Variants in AR observed in about 807,000 individuals in gnomAD.
The protein encoded by AR is dihydrotestosterone receptor.
A neutral mutation model predicts 53.9 loss-of-function variants in AR; 8 were observed. That is an observed-to-expected ratio of 0.15 (90% CI 0.09 to 0.27). The LOEUF (loss-of-function observed/expected upper bound fraction) is 0.27. Ranked by LOEUF, AR falls within the 10% of genes least tolerant of loss-of-function variation. The pLI is 1.00. For synonymous variants in AR, 359 were observed against 316.4 expected (o/e 1.13, Z -1.43); for missense variants, 639 against 742.5 (o/e 0.86, Z 1.62).
chrX:67,568,962 C>T (rs975548583), intron 1 of AR: 11 of 1,208,078 alleles, frequency 9.1e-6, no homozygotes, highest in Non-Finnish European at 1.1e-5. Flanking sequence ...ACCAGGGAAA[C>T]GAATGCAGAG....
chrX:67,656,446 A>G (rs1569296644), intron 2 of AR, among the ~76,000 whole-genome samples: 3 of 111,473 alleles, frequency 2.7e-5, no homozygotes, highest in Admixed American at 1.9e-4. Flanking sequence ...CAAGACTGGC[A>G]TAGTACAATG....
At chrX:67,684,376 C>T (rs1264643070) in intron 2 of AR, among the ~76,000 whole-genome samples, 1 of 111,551 alleles carries the variant, frequency 9.0e-6, no homozygotes, top group South Asian at 3.8e-4. Context: ...GCCTGGAGAC[C>T]TTAGTTTTCT....
At chrX:67,600,373 C>T (rs912993880) in intron 1 of AR, among the ~76,000 whole-genome samples, 2 of 110,571 alleles carry the variant, frequency 1.8e-5, no homozygotes, top group East Asian at 2.8e-4. Context: ...AAAAATGAGA[C>T]CCTGTCATTT....
intron 1 of AR, among the ~76,000 whole-genome samples, chrX:67,627,127 G>A (rs1190337091): frequency 5.4e-5 from 6 of 110,435 alleles, no homozygotes; most frequent in African/African-American, 9.9e-5. Context: ...ATGATTTATA[G>A]TCCTTTGGGT....
chrX:67,686,935 C>G (rs759966782), intron 3 of AR, among the ~76,000 whole-genome samples: 17 of 111,175 alleles, frequency 1.5e-4, no homozygotes, highest in African/African-American at 5.6e-4. Context: ...CCCATCTCTT[C>G]ATGTTTACAT....
intron 1 of AR, among the ~76,000 whole-genome samples, chrX:67,632,537 G>T (rs760522698): frequency 8.9e-6 from 1 of 112,138 alleles, no homozygotes; most frequent in East Asian, 2.8e-4. Flanking sequence ...TGCGCCCACT[G>T]TCTGGCACTC....
intron 1 of AR, among the ~76,000 whole-genome samples, chrX:67,622,726 A>T (rs950452868): frequency 4.5e-5 from 5 of 111,789 alleles, no homozygotes; most frequent in Non-Finnish European, 9.4e-5. Context: ...AATATGTAAA[A>T]TATTTAGTTT....
At chrX:67,605,514 C>A (rs1923581451) in intron 1 of AR, among the ~76,000 whole-genome samples, 1 of 111,343 alleles carries the variant, frequency 9.0e-6, no homozygotes, top group Non-Finnish European at 1.9e-5. Flanking sequence ...TTAGATAGTT[C>A]CACTTTCATT....
intron 1 of AR, among the ~76,000 whole-genome samples, chrX:67,627,812 T>A (rs1235334372): frequency 8.9e-6 from 1 of 111,928 alleles, no homozygotes; most frequent in Non-Finnish European, 1.9e-5. Context: ...TTGATTTTTG[T>A]ATAAGGTGTA....
chrX:67,626,438 T>C (rs965998648), intron 1 of AR, among the ~76,000 whole-genome samples: 3 of 67,386 alleles, frequency 4.5e-5, no homozygotes, highest in African/African-American at 1.1e-4. Context: ...GGCTCTCTCT[T>C]TTTTTTTTTT....
At chrX:67,628,161 C>T in intron 1 of AR, among the ~76,000 whole-genome samples, 1 of 110,543 alleles carries the variant, frequency 9.0e-6, no homozygotes, top group African/African-American at 3.3e-5. Flanking sequence ...TAGTTTTTTC[C>T]AATTCTGTGA....
chrX:67,712,191 G>A (rs1383624392), intron 4 of AR, among the ~76,000 whole-genome samples: 2 of 112,019 alleles, frequency 1.8e-5, no homozygotes, highest in East Asian at 2.8e-4. Context: ...TCTTAGCTCT[G>A]CTAGTAACTT....
In AR at chrX:67,724,330, G is replaced by GT. The variant is rs2076149705; in HGVS notation, c.*495dup. On this transcript the variant is annotated 3_prime_UTR_variant, in exon 8 of 8. Transcript: ENST00000374690. ...AAATAAGCCAAAAAACCTTGCTAGT[G>GT]TTTTTTCCTCAAAAATAAATAAATA... The GT allele has an allele frequency of 5.7e-6, 1 of 175,429 alleles. No individual in the cohort carries two copies. Among genetic ancestry groups the GT allele is most frequent in the African/African-American group, 3.0e-5 (1 of 33,202 alleles). 14.5% of individuals were successfully genotyped at this position (175,429 alleles called of 1,213,427 possible).
chrX:67,549,408 T>C (rs746627401), intron 1 of AR, among the ~76,000 whole-genome samples: 4 of 112,256 alleles, frequency 3.6e-5, no homozygotes, highest in South Asian at 7.4e-4. Flanking sequence ...TGTGTTCTTA[T>C]ACATTTACAG....
chrX:67,645,265 AG>A (rs1003736777), intron 2 of AR, among the ~76,000 whole-genome samples: 3 of 111,897 alleles, frequency 2.7e-5, no homozygotes, highest in African/African-American at 9.7e-5. Flanking sequence ...TTCAGAAAAC[AG>A]GGGAAATGCT....
chrX:67,695,758 C>CAT (rs1290252363), intron 3 of AR: 1 of 745,930 alleles, frequency 1.3e-6, no homozygotes, highest in Admixed American at 9.5e-5. Context: ...CACACACACA[C>CAT]ACACACACAC....
At position 67,661,859 on chromosome X, in the gene AR, C is replaced by A. The variant is rs1019286589; in HGVS notation, c.1768+18452C>A. Among the ~76,000 whole-genome samples the A allele has an allele frequency of 4.5e-5, 5 of 111,602 alleles. 1 individual carries two copies. Among genetic ancestry groups the A allele is most frequent in the Non-Finnish European group, 9.4e-5 (5 of 53,118 alleles). ...ATTGGTAAGCTATTAGTTATATCCTCAATTTCAGAGCCTGTTATTGGTCTA... is the reference window on the plus strand; with the variant it reads ...ATTGGTAAGCTATTAGTTATATCCTAAATTTCAGAGCCTGTTATTGGTCTA... On this transcript the variant is annotated intron_variant, in intron 2 of 7. Coordinates refer to ENST00000374690, the MANE Select transcript of AR (RefSeq NM_000044.6).
intron 2 of AR, among the ~76,000 whole-genome samples, chrX:67,676,926 A>T (rs2075903536): frequency 9.0e-6 from 1 of 111,260 alleles, no homozygotes; most frequent in South Asian, 3.8e-4. Context: ...ACTCTCTGAA[A>T]TTGTTATAAG....
intron 5 of AR, among the ~76,000 whole-genome samples, chrX:67,718,117 T>C (rs1282458666): frequency 8.9e-6 from 1 of 111,879 alleles, no homozygotes; most frequent in African/African-American, 3.2e-5. Context: ...GATAACACTA[T>C]TTTTTTATGG....
Sources: allele counts gnomAD v4.1 joint callset (sites outside exome capture counted in the v4.1 genomes callset), GRCh38; gene constraint gnomAD v4.1.1; transcripts MANE v1.5; gene names NCBI Gene and HGNC (gene_info 2026-07-23, HGNC 2026-07-21).